Variants in PCDHGB1 observed in about 807,000 individuals in gnomAD.
The protein encoded by PCDHGB1 is protocadherin gamma subfamily B, 1.
A neutral mutation model predicts 56.6 loss-of-function variants in PCDHGB1; 34 were observed. The ratio of observed to expected loss-of-function variants is 0.60; its 90% CI spans 0.46 to 0.80. The LOEUF is 0.80. Among genes scored for constraint, PCDHGB1 ranks in the 30% least tolerant of loss-of-function variants. The pLI, the probability that PCDHGB1 is intolerant of heterozygous loss-of-function variation, is 0.00. For synonymous variants in PCDHGB1, 561 were observed against 505.9 expected, an observed-to-expected ratio of 1.11 and a Z score of -1.46; for missense variants, 1,278 against 1,204.6, an observed-to-expected ratio of 1.06 and a Z score of -0.90.
At chr5:141,418,441 A>G (rs2096258419) in intron 1 of PCDHGB1, 3 of 1,614,000 alleles carry the variant, frequency 1.9e-6, no homozygotes, top group South Asian at 1.1e-5. Flanking sequence ...ATCCAGAATT[A>G]GTATTGCAGA....
At chr5:141,502,093 G>C (rs1037154464) in intron 2 of PCDHGB1, among the ~76,000 whole-genome samples, 27 of 152,112 alleles carry the variant, frequency 1.8e-4, no homozygotes, top group Admixed American at 1.7e-3. Flanking sequence ...AGAACACCTG[G>C]CCTTGACCCT....
chr5:141,377,665 G>T (rs1040007479), intron 1 of PCDHGB1: 1 of 151,618 alleles, frequency 6.6e-6, no homozygotes, highest in Admixed American at 6.6e-5. Flanking sequence ...AACGACAGAC[G>T]TTCATACAAG....
chr5:141,511,428 G>T lies in PCDHGB1; in HGVS notation c.*255G>T. 1 of 769,024 alleles carries T rather than the reference G, an allele frequency of 1.3e-6. No homozygotes were observed. The highest frequency in any genetic ancestry group is 2.0e-6 in the Non-Finnish European group (1 of 504,448). 47.6% of individuals were successfully genotyped at this position (769,024 alleles called of 1,614,324 possible). ...ACTGCTGTACCCATGGGGGTAGTGG[G>T]GTTACTGTAGACACCAAGAACCATT... On this transcript the variant is annotated 3_prime_UTR_variant, in exon 4 of 4. Transcript: ENST00000523390.
chr5:141,399,865 C>T, intron 1 of PCDHGB1: 1 of 1,612,866 alleles, frequency 6.2e-7, no homozygotes, highest in African/African-American at 1.3e-5. Flanking sequence ...CGCTGCAGAG[C>T]CCGGCTACCT....
In PCDHGB1 at chr5:141,350,557, T is replaced by C. The variant is rs372944053; in HGVS notation, c.297T>C (p.Cys99=). The change falls in exon 1 of 4, where the codon TGT becomes TGC. Residue 99 remains cysteine (C), a synonymous_variant. Transcript: ENST00000523390. The part of the protein sequence containing the change: ...REKICGRKLE[C]ALEFETVAEN... ...AGATTTGCGGAAGGAAACTTGAGTG[T>C]GCACTAGAATTCGAAACGGTCGCTG... The C allele has an allele frequency of 6.8e-6, 11 of 1,614,060 alleles. No individual in the cohort carries two copies. The African/African-American group carries it at 1.5e-4, about 22-fold the overall frequency.
chr5:141,426,364 G>C (rs918838005), intron 1 of PCDHGB1: 1 of 202,328 alleles, frequency 4.9e-6, no homozygotes, highest in Non-Finnish European at 1.0e-5. Flanking sequence ...TTTGTTCTGC[G>C]GGGCACCCTC....
chr5:141,415,823 G>T (rs529200891), intron 1 of PCDHGB1: 1 of 1,316,022 alleles, frequency 7.6e-7, no homozygotes, highest in East Asian at 2.8e-5. Context: ...ATATCATAAG[G>T]CTTTGTTATG....
At chr5:141,376,247 T>G in intron 1 of PCDHGB1, 1 of 1,614,192 alleles carries the variant, frequency 6.2e-7, no homozygotes, top group Non-Finnish European at 8.5e-7. Flanking sequence ...CTGGCACAAG[T>G]CACGCCTGCT....
rs188916402 is a variant in PCDHGB1, at chr5:141,473,975, G to A, written c.2410-20832G>A. 4.6e-5 allele frequency among the ~76,000 whole-genome samples: 7 copies of A among 152,222 alleles called. No homozygotes were observed. The East Asian group carries it at 7.7e-4, about 17-fold the overall frequency. ...TCCCATCTACTTAGAAGTCTGAGGCGGGAGGATCCCTTGAGCCCAAGGAGC... is the reference window on the plus strand; with the variant it reads ...TCCCATCTACTTAGAAGTCTGAGGCAGGAGGATCCCTTGAGCCCAAGGAGC... On this transcript the variant is annotated intron_variant, in intron 1 of 3. Transcript: ENST00000523390.
intron 1 of PCDHGB1, chr5:141,375,055 G>T (rs1771087502): frequency 6.2e-7 from 1 of 1,614,042 alleles, no homozygotes; most frequent in Non-Finnish European, 8.5e-7. Flanking sequence ...CCCGGGATGG[G>T]CCAGGTCTTC....
chr5:141,403,974 A>G (rs1351754228), intron 1 of PCDHGB1: 1 of 1,613,872 alleles, frequency 6.2e-7, no homozygotes, highest in African/African-American at 1.3e-5. Flanking sequence ...GAAGATGTAA[A>G]TGACAATAGA....
chr5:141,478,758 T>C (rs1333135263), intron 1 of PCDHGB1: 2 of 1,515,540 alleles, frequency 1.3e-6, no homozygotes, highest in South Asian at 1.3e-5. Flanking sequence ...AGGGGGAAGA[T>C]ACTTGACTCA....
chr5:141,454,998 G>A (rs909142112), intron 1 of PCDHGB1, among the ~76,000 whole-genome samples: 1 of 151,220 alleles, frequency 6.6e-6, no homozygotes, highest in Admixed American at 6.6e-5. Flanking sequence ...ATTTTTAGTA[G>A]AGACGGGGTT....
At chr5:141,392,980 C>T (rs1327544903) in intron 1 of PCDHGB1, 1 of 1,613,716 alleles carries the variant, frequency 6.2e-7, no homozygotes, top group Non-Finnish European at 8.5e-7. Context: ...GGGCTGGACC[C>T]CCGGAAGCTG....
chr5:141,380,674 T>G (rs1293551834), intron 1 of PCDHGB1, among the ~76,000 whole-genome samples: 1 of 152,262 alleles, frequency 6.6e-6, no homozygotes, highest in South Asian at 2.1e-4. Flanking sequence ...CCATAGGGTA[T>G]GTATGCTTTG....
chr5:141,507,504 C>T (rs1443873775), intron 3 of PCDHGB1, among the ~76,000 whole-genome samples: 1 of 152,138 alleles, frequency 6.6e-6, no homozygotes, highest in Admixed American at 6.5e-5. Flanking sequence ...TGTCCCAGGT[C>T]TGGTGGGGCT....
intron 1 of PCDHGB1, among the ~76,000 whole-genome samples, chr5:141,469,731 C>A (rs1332201791): frequency 6.6e-6 from 1 of 152,214 alleles, no homozygotes; most frequent in Non-Finnish European, 1.5e-5. Context: ...ATCATAAATA[C>A]ACACCTCAAA....
At chr5:141,449,467 C>G (rs1356192128) in intron 1 of PCDHGB1, among the ~76,000 whole-genome samples, 1 of 150,842 alleles carries the variant, frequency 6.6e-6, no homozygotes, top group South Asian at 2.1e-4. Flanking sequence ...ATTAGCCAGG[C>G]CTGGTACCCC....
rs185786686 is a variant in PCDHGB1 at position 141,384,098 on chromosome 5, A to G, written c.2409+31429A>G. 9.4e-3 allele frequency: 14,953 copies of G among 1,596,884 alleles called. 110 individuals carry two copies. The highest frequency in any genetic ancestry group is 0.01 in the Non-Finnish European group (12,057 of 1,171,020). On this transcript the variant is annotated intron_variant, in intron 1 of 3. Transcript: ENST00000523390. ...TTTAAATTAGAAAAATCAATAGATA[A>G]TTATTATAGATTGGTCACAACCAAA... is the stretch of plus-strand genomic sequence containing the variant.
Sources: gnomAD v4.1 joint callset for allele counts (sites outside exome capture counted in the v4.1 genomes callset) on GRCh38, gnomAD v4.1.1 for gene constraint, MANE v1.5 for transcripts, NCBI Gene and HGNC (gene_info 2026-07-23, HGNC 2026-07-21) for gene names.